Variants in EPHA6 observed in about 807,000 individuals in gnomAD.
EPHA6 encodes EPH receptor A6, also known as ephrin type-A receptor 6.
A neutral mutation model predicts 112.0 loss-of-function variants in EPHA6; 50 were observed. That is an observed-to-expected ratio of 0.45 (90% CI 0.36 to 0.56). The LOEUF (loss-of-function observed/expected upper bound fraction) is 0.56. Among genes scored for constraint, EPHA6 ranks in the 20% least tolerant of loss-of-function variants. The pLI is 0.00. For synonymous variants in EPHA6, 529 were observed against 490.7 expected (o/e 1.08, Z -1.03); for missense variants, 1,280 against 1,417.4 (o/e 0.90, Z 1.56).
chr3:97,263,232 A>G (rs1464755395), intron 5 of EPHA6, among the ~76,000 whole-genome samples: 14 of 152,162 alleles, frequency 9.2e-5, no homozygotes, highest in African/African-American at 3.4e-4. Context: ...GAAGTGTTTA[A>G]AAGTGTTATA....
At chr3:96,961,479 T>C (rs1004694211) in intron 2 of EPHA6, among the ~76,000 whole-genome samples, 3 of 152,220 alleles carry the variant, frequency 2.0e-5, no homozygotes, top group Non-Finnish European at 2.9e-5. Context: ...TTTCACACCA[T>C]ACTCTGAGTT....
chr3:97,514,632 G>A (rs79101952), intron 10 of EPHA6, among the ~76,000 whole-genome samples: 2,804 of 152,236 alleles, frequency 0.018, 103 homozygotes, highest in African/African-American at 0.064. Flanking sequence ...ATATTTTGAA[G>A]CTCTAACTTA....
At chr3:96,908,107 T>A (rs1197506166) in intron 2 of EPHA6, among the ~76,000 whole-genome samples, 1 of 151,900 alleles carries the variant, frequency 6.6e-6, no homozygotes, top group Non-Finnish European at 1.5e-5. Flanking sequence ...TGGTAAGTAT[T>A]TGTGTATCTA....
chr3:97,633,160 G>A (rs989509639), intron 13 of EPHA6, among the ~76,000 whole-genome samples: 6 of 152,018 alleles, frequency 3.9e-5, no homozygotes, highest in Non-Finnish European at 7.4e-5. Flanking sequence ...GTCTGATGGA[G>A]CTCTGCAGCT....
At chr3:97,022,306 T>C (rs2044489179) in intron 3 of EPHA6, among the ~76,000 whole-genome samples, 1 of 152,182 alleles carries the variant, frequency 6.6e-6, no homozygotes, top group South Asian at 2.1e-4. Flanking sequence ...ACCCCAGCTA[T>C]ATTAAAATGA....
At chr3:97,359,507 A>T (rs2084258149) in intron 5 of EPHA6, among the ~76,000 whole-genome samples, 1 of 146,914 alleles carries the variant, frequency 6.8e-6, no homozygotes. Flanking sequence ...ATCTTTTAAC[A>T]GTTTTTGTTT....
intron 3 of EPHA6, among the ~76,000 whole-genome samples, chr3:97,218,132 A>G (rs545552486): frequency 5.8e-4 from 88 of 152,072 alleles, no homozygotes; most frequent in Non-Finnish European, 1.1e-3. Context: ...ATTAGCTGGC[A>G]TGGTGGTGCA....
At chr3:97,092,601 TG>T (rs2047107191) in intron 3 of EPHA6, among the ~76,000 whole-genome samples, 1 of 152,092 alleles carries the variant, frequency 6.6e-6, no homozygotes, top group Non-Finnish European at 1.5e-5. Context: ...CATAATTTGA[TG>T]AGTTACTAGC....
chr3:97,110,104 A>G (rs778627920), intron 3 of EPHA6, among the ~76,000 whole-genome samples: 1 of 152,210 alleles, frequency 6.6e-6, no homozygotes, highest in South Asian at 2.1e-4. Context: ...ATCTTCAGCT[A>G]TATGGTTTAG....
At chr3:97,673,752 T>G (rs1296238844) in intron 14 of EPHA6, among the ~76,000 whole-genome samples, 1 of 152,200 alleles carries the variant, frequency 6.6e-6, no homozygotes, top group East Asian at 1.9e-4. Context: ...AATGCGCTTC[T>G]GAGGGCATTG....
rs1180070291 is a variant in EPHA6, at chr3:97,721,885, TTTTG to T, written c.2934+1491_2934+1494del. ...TTCAAAAGGAACCCATATTTGGGGA[TTTTG>T]TTTGTTTGTTTGTTTTAACCAGTTA... On this transcript the variant is annotated intron_variant, in intron 15 of 17. Coordinates refer to ENST00000389672, the MANE Select transcript of EPHA6 (RefSeq NM_001080448.3). Among the ~76,000 whole-genome samples, 10 of 152,146 alleles carry T rather than the reference TTTTG, an allele frequency of 6.6e-5. No homozygotes were observed. The East Asian group carries it at 9.6e-4, about 15-fold the overall frequency.
chr3:97,122,840 T>C (rs1292951673), intron 3 of EPHA6, among the ~76,000 whole-genome samples: 1 of 152,018 alleles, frequency 6.6e-6, no homozygotes, highest in African/African-American at 2.4e-5. Flanking sequence ...ATAAAATATA[T>C]GTATGATATG....
intron 3 of EPHA6, among the ~76,000 whole-genome samples, chr3:97,158,414 C>G (rs1314875240): frequency 6.6e-6 from 1 of 152,116 alleles, no homozygotes; most frequent in African/African-American, 2.4e-5. Flanking sequence ...CTCCCTTTGT[C>G]TTTAGCAGGC....
At chr3:97,524,170 A>G (rs2092586343) in intron 10 of EPHA6, among the ~76,000 whole-genome samples, 1 of 151,872 alleles carries the variant, frequency 6.6e-6, no homozygotes, top group Non-Finnish European at 1.5e-5. Flanking sequence ...TCTTTCTTCC[A>G]ATCTTACAGT....
intron 3 of EPHA6, among the ~76,000 whole-genome samples, chr3:97,222,204 C>A (rs2078227054): frequency 6.6e-6 from 1 of 152,004 alleles, no homozygotes; most frequent in South Asian, 2.1e-4. Context: ...ATGATATGAT[C>A]TGAGAGTTAT....
chr3:97,715,786 T>C (rs80031279), intron 14 of EPHA6, among the ~76,000 whole-genome samples: 4,654 of 152,280 alleles, frequency 0.031, 108 homozygotes, highest in Non-Finnish European at 0.041. Context: ...CAGTACTTCT[T>C]GTTCCCTCAT....
At position 97,243,935 on chromosome 3, in the gene EPHA6, T is replaced by G. The variant is rs2078917747; in HGVS notation, c.1271-17T>G. The stretch of plus-strand genomic sequence containing the variant: ...GTCCTATATATGTACATTTGTTTTT[T>G]AATTGCTTTTCTCTAGGGCCACCTT... On this transcript the variant is annotated splice_polypyrimidine_tract_variant and intron_variant, in intron 4 of 17. Coordinates refer to ENST00000389672, the MANE Select transcript of EPHA6 (RefSeq NM_001080448.3). The G allele has an allele frequency of 5.8e-6, 9 of 1,564,770 alleles. No homozygotes were observed. Among genetic ancestry groups the G allele is most frequent in the Non-Finnish European group, 6.9e-6 (8 of 1,152,296 alleles).
At chr3:96,998,493 T>G (rs1376677551) in intron 3 of EPHA6, among the ~76,000 whole-genome samples, 1 of 151,906 alleles carries the variant, frequency 6.6e-6, no homozygotes, top group African/African-American at 2.4e-5. Context: ...GCTTTATTTT[T>G]TCTCTCCCTC....
chr3:97,531,446 A>G (rs1308335357), intron 10 of EPHA6, among the ~76,000 whole-genome samples: 2 of 151,858 alleles, frequency 1.3e-5, no homozygotes, highest in East Asian at 1.9e-4. Context: ...TACTCCTTTT[A>G]TGCACACTGT....
Sources: gnomAD v4.1 joint callset for allele counts (sites outside exome capture counted in the v4.1 genomes callset) on GRCh38, gnomAD v4.1.1 for gene constraint, MANE v1.5 for transcripts, NCBI Gene and HGNC (gene_info 2026-07-23, HGNC 2026-07-21) for gene names.